The following CNTNAP3B variants were observed in gnomAD, a reference collection of about 807,000 sequenced individuals.
CNTNAP3B encodes the protein contactin-associated protein-like 3B.
Under a neutral mutation model 108.9 loss-of-function variants are expected in CNTNAP3B, and 25 were observed. The observed-to-expected ratio is 0.23, with a 90% CI of 0.17 to 0.32. The LOEUF is 0.32. Among genes scored for constraint, CNTNAP3B ranks in the 10% least tolerant of loss-of-function variants. The pLI, the probability that CNTNAP3B is intolerant of heterozygous loss-of-function variation, is 1.00. For missense variants in CNTNAP3B, 252 were observed against 1,210.4 expected, an observed-to-expected ratio of 0.21 and a Z score of 11.75; for synonymous variants, 103 against 473.4, an observed-to-expected ratio of 0.22 and a Z score of 10.16.
chr9:41,958,426 C>A (rs1447865471), intron 12 of CNTNAP3B, among the ~76,000 whole-genome samples: 6 of 152,026 alleles, frequency 3.9e-5, no homozygotes, highest in Non-Finnish European at 8.8e-5. Flanking sequence ...GATTATAGGT[C>A]CAGCTGAAAT....
In CNTNAP3B at chr9:42,118,773, A is replaced by C. The variant is rs1343409902; in HGVS notation, c.85+10237T>G. Among the ~76,000 whole-genome samples, 6 of 113,712 alleles carry C rather than the reference A, an allele frequency of 5.3e-5. 1 individual carries two copies. In the East Asian group the frequency reaches 1.7e-3, roughly 32 times the overall value. 74.6% of individuals were successfully genotyped at this position (113,712 alleles called of 152,430 possible). ...AGATGACATGATTGTGTATTTAGAA[A>C]ACCCCATCGTCTCAGCCCAAAATCT... On this transcript the variant is annotated intron_variant, in intron 1 of 23. Coordinates refer to ENST00000377561, the MANE Select transcript of CNTNAP3B (RefSeq NM_001201380.3).
At chr9:42,091,001 C>T (rs1827812146) in intron 2 of CNTNAP3B, among the ~76,000 whole-genome samples, 1 of 49,936 alleles carries the variant, frequency 2.0e-5, no homozygotes, top group Non-Finnish European at 4.6e-5. Flanking sequence ...CACACACACA[C>T]ATATAGTATA....
chr9:42,128,458 G>T (rs1587295065), intron 1 of CNTNAP3B, among the ~76,000 whole-genome samples: 1 of 136,324 alleles, frequency 7.3e-6, no homozygotes, highest in South Asian at 2.4e-4. Context: ...TGACAGGGGT[G>T]TTCAAGTGTT....
chr9:42,119,128 T>A, intron 1 of CNTNAP3B, among the ~76,000 whole-genome samples: 1 of 77,626 alleles, frequency 1.3e-5, no homozygotes, highest in Non-Finnish European at 2.5e-5. Context: ...AGATTTTGTA[T>A]CTTGATTTGA....
intron 12 of CNTNAP3B, among the ~76,000 whole-genome samples, chr9:41,958,017 C>G (rs1373668075): frequency 2.6e-5 from 4 of 152,284 alleles, no homozygotes; most frequent in African/African-American, 9.6e-5. Flanking sequence ...CTGCCTCAGC[C>G]TCCCACAGTG....
At chr9:41,928,016 C>T (rs202045903) in intron 15 of CNTNAP3B, among the ~76,000 whole-genome samples, 31,872 of 149,326 alleles carry the variant, frequency 0.21, 1 homozygote, top group South Asian at 0.28. Flanking sequence ...CAGAATATTT[C>T]GGTCAAAATA....
intron 14 of CNTNAP3B, among the ~76,000 whole-genome samples, chr9:41,934,839 A>T (rs1824106134): frequency 5.9e-5 from 9 of 152,396 alleles, no homozygotes; most frequent in Non-Finnish European, 1.5e-5. Context: ...ATTTATTATG[A>T]TTATTTGTAC....
At chr9:42,105,337 C>T (rs1828077715) in intron 1 of CNTNAP3B, among the ~76,000 whole-genome samples, 1 of 110,084 alleles carries the variant, frequency 9.1e-6, no homozygotes, top group Non-Finnish European at 1.8e-5. Context: ...TAGACCCCTC[C>T]AGAGGGAATT....
intron 2 of CNTNAP3B, among the ~76,000 whole-genome samples, chr9:42,100,177 C>A (rs553513677): frequency 1.5e-5 from 1 of 66,568 alleles, no homozygotes; most frequent in South Asian, 5.0e-4. Flanking sequence ...CAAATACTTG[C>A]CCTTTCTCTC....
intron 2 of CNTNAP3B, among the ~76,000 whole-genome samples, chr9:42,103,556 T>A (rs1259227581): frequency 1.1e-5 from 1 of 88,818 alleles, no homozygotes; most frequent in Non-Finnish European, 2.3e-5. Context: ...ACCCCGTCCC[T>A]GCTAAAAAAA....
intron 9 of CNTNAP3B, among the ~76,000 whole-genome samples, chr9:41,979,048 A>G (rs1023480125): frequency 7.2e-6 from 1 of 138,064 alleles, no homozygotes; most frequent in Non-Finnish European, 1.5e-5. Flanking sequence ...GGGGTCAGGG[A>G]GGAACCCAGT....
chr9:41,921,544 C>A (rs537518649), intron 17 of CNTNAP3B, among the ~76,000 whole-genome samples: 162 of 152,054 alleles, frequency 1.1e-3, no homozygotes, highest in Non-Finnish European at 1.8e-3. Flanking sequence ...CATCCTTATT[C>A]GCTTTAAAAC....
At chr9:41,950,749 T>C (rs1318751417) in intron 13 of CNTNAP3B, among the ~76,000 whole-genome samples, 1 of 5,830 alleles carries the variant, frequency 1.7e-4, no homozygotes, top group Admixed American at 1.9e-3. Context: ...GAGGAATTCT[T>C]TTTTTTTTTT....
intron 3 of CNTNAP3B, among the ~76,000 whole-genome samples, chr9:42,075,629 A>T: frequency 8.0e-6 from 1 of 125,230 alleles, no homozygotes; most frequent in Non-Finnish European, 1.7e-5. Flanking sequence ...GGTAACAAAA[A>T]TGCTGACGGT....
At chr9:41,931,326 C>T (rs1198698804) in intron 14 of CNTNAP3B, among the ~76,000 whole-genome samples, 1 of 152,128 alleles carries the variant, frequency 6.6e-6, no homozygotes. Flanking sequence ...GTGGTGGGAA[C>T]ATTACAATTC....
At position 41,930,875 on chromosome 9, in the gene CNTNAP3B, TG is replaced by T. The variant is rs1018628308; in HGVS notation, c.2238-1432del. Among the ~76,000 whole-genome samples, 9 of 152,336 alleles carry T rather than the reference TG, an allele frequency of 5.9e-5. No individual in the cohort carries two copies. The East Asian group carries it at 1.7e-3, about 29-fold the overall frequency. On this transcript the variant is annotated intron_variant, in intron 14 of 23. Transcript: ENST00000377561. Reference sequence around the variant, plus strand: ...ATTTTATTATATATGTGTATGTAACTGTATATGTAATAAATATTTGGCCAAT... The same window carrying T: ...ATTTTATTATATATGTGTATGTAACTTATATGTAATAAATATTTGGCCAAT...
At chr9:42,118,294 T>C (rs1369767415) in intron 1 of CNTNAP3B, among the ~76,000 whole-genome samples, 2 of 139,282 alleles carry the variant, frequency 1.4e-5, no homozygotes, top group East Asian at 2.2e-4. Flanking sequence ...ACTGGCAAAC[T>C]GAATACAGCA....
intron 2 of CNTNAP3B, among the ~76,000 whole-genome samples, chr9:42,095,535 C>A (rs1827882253): frequency 7.2e-6 from 1 of 138,944 alleles, no homozygotes; most frequent in East Asian, 2.2e-4. Flanking sequence ...CTGACTATAA[C>A]CCTGACAAAA....
chr9:41,939,544 A>T (rs1824269366), intron 13 of CNTNAP3B, among the ~76,000 whole-genome samples: 1 of 152,304 alleles, frequency 6.6e-6, no homozygotes, highest in African/African-American at 2.4e-5. Context: ...GAAAATTTAA[A>T]GAGGGATTAG....
Sources: allele counts gnomAD v4.1 joint callset (sites outside exome capture counted in the v4.1 genomes callset), GRCh38; gene constraint gnomAD v4.1.1; transcripts MANE v1.5; gene names NCBI Gene and HGNC (gene_info 2026-07-23, HGNC 2026-07-21).